CPAMD8: variants seen among roughly 807,000 people sequenced by gnomAD.
CPAMD8 encodes the protein C3 and PZP-like alpha-2-macroglobulin domain-containing protein 8.
CPAMD8 carries 146 observed loss-of-function variants against 224.7 expected under a neutral mutation model. The observed-to-expected ratio is 0.65, with a 90% CI of 0.57 to 0.75. The LOEUF is 0.75. Ranked by LOEUF, CPAMD8 falls within the 30% of genes least tolerant of loss-of-function variation. The pLI is 0.00. For synonymous variants in CPAMD8, 966 were observed against 1,044.6 expected (o/e 0.92, Z 1.45); for missense variants, 2,301 against 2,537.5 (o/e 0.91, Z 2.00).
intron 9 of CPAMD8, among the ~76,000 whole-genome samples, chr19:17,000,840 A>T (rs1206777869): frequency 1.3e-5 from 2 of 152,218 alleles, no homozygotes; most frequent in African/African-American, 4.8e-5. Context: ...TGAGCGACTG[A>T]GAGGCACCTG....
At chr19:17,013,174 T>C (rs1165661755) in intron 3 of CPAMD8, among the ~76,000 whole-genome samples, 1 of 148,136 alleles carries the variant, frequency 6.8e-6, no homozygotes, top group Non-Finnish European at 1.5e-5. Flanking sequence ...AGAGTGAAAC[T>C]CCATCTCCAA....
chr19:16,949,050 GA>G (rs1282197750), intron 20 of CPAMD8, among the ~76,000 whole-genome samples: 5 of 136,514 alleles, frequency 3.7e-5, no homozygotes, highest in East Asian at 2.5e-4. Flanking sequence ...GGAAGGACGG[GA>G]GGGGGGGAGG....
intron 15 of CPAMD8, among the ~76,000 whole-genome samples, chr19:16,976,391 G>A (rs1003820717): frequency 1.1e-4 from 16 of 152,018 alleles, no homozygotes; most frequent in South Asian, 4.1e-4. Flanking sequence ...CAGGAGAATC[G>A]CTTGAAGCCC....
At chr19:16,921,858 T>C in intron 27 of CPAMD8, 47 bp downstream of exon 27, 1 of 1,267,210 alleles carries the variant, frequency 7.9e-7, no homozygotes, top group Non-Finnish European at 1.1e-6. Flanking sequence ...GGCCATGGCG[T>C]CGGGCGGGGA....
intron 39 of CPAMD8, chr19:16,897,377 C>T (rs2052060931): frequency 2.5e-6 from 1 of 401,246 alleles, no homozygotes; most frequent in Non-Finnish European, 4.4e-6. Context: ...ACCCTCAACC[C>T]ATTGCGCCCA....
intron 17 of CPAMD8, 147 bp from the exon 18 acceptor site, chr19:16,971,180 G>A (rs942631842): frequency 4.4e-6 from 3 of 689,138 alleles, no homozygotes; most frequent in Non-Finnish European, 7.0e-6. Context: ...TTGCTTTTTT[G>A]GGTTTGTTTT....
chr19:16,896,075 CGGA>C, intron 41 of CPAMD8, 98 bp downstream of exon 41: 1 of 1,077,200 alleles, frequency 9.3e-7, no homozygotes, highest in Non-Finnish European at 1.2e-6. Context: ...CGGGGCGGGG[CGGA>C]GGAGTCGGGG....
chr19:16,914,773 T>C lies in CPAMD8; in HGVS notation c.3670A>G (p.Ser1224Gly), dbSNP rs1288411388. 7 of 1,613,756 alleles carry C rather than the reference T, an allele frequency of 4.3e-6. No individual in the cohort carries two copies. Among genetic ancestry groups the C allele is most frequent in the South Asian group, 1.1e-5 (1 of 91,046 alleles). ...TCCCGGGGGTCCACGAAGATAAAGCTGCGAGCCTGTGCGAAGGACTTCAGG... is the reference window on the plus strand; with the variant it reads ...TCCCGGGGGTCCACGAAGATAAAGCCGCGAGCCTGTGCGAAGGACTTCAGG... ...FVLKSFAQAR[S>G]FIFVDPRELA... Residue 1224 changes from serine (S) to glycine (G), a missense_variant, in exon 28 of 42, where the codon AGC becomes GGC. Ser to Gly is a moderately conservative substitution (Grantham distance 56, BLOSUM62 0). This residue lies in a region of CPAMD8 where 1,709 missense variants were observed against 1,753.2 expected (regional missense o/e 0.97). Transcript: ENST00000443236.
At chr19:17,015,778 C>A (rs973765071) in intron 3 of CPAMD8, among the ~76,000 whole-genome samples, 1 of 152,130 alleles carries the variant, frequency 6.6e-6, no homozygotes, top group Admixed American at 6.5e-5. Context: ...GAGGGAGATA[C>A]CGGAGGTGCT....
At chr19:16,935,440 G>A (rs2053656091) in intron 23 of CPAMD8, among the ~76,000 whole-genome samples, 1 of 151,778 alleles carries the variant, frequency 6.6e-6, no homozygotes, top group Admixed American at 6.6e-5. Flanking sequence ...CTAACCCCTG[G>A]CAACCACTAA....
At chr19:16,987,460 A>C (rs1008942277) in intron 13 of CPAMD8, among the ~76,000 whole-genome samples, 16 of 151,948 alleles carry the variant, frequency 1.1e-4, no homozygotes, top group Admixed American at 2.6e-4. Flanking sequence ...CACTTCACGA[A>C]CAGTCAAGAT....
Position 17,000,398 on chromosome 19 carries a change from G to T in CPAMD8, c.867+16C>A. On this transcript the variant is annotated intron_variant, in intron 10 of 41. Coordinates refer to ENST00000443236, the MANE Select transcript of CPAMD8 (RefSeq NM_015692.5). ...GGGGGTTGGGTCAGGGGGTAGAAGG[G>T]GTCCCTGTTTCTCACCTTGGTTGTT... 9.9e-6 allele frequency: 10 copies of T among 1,014,460 alleles called. No individual in the cohort carries two copies. The highest frequency in any genetic ancestry group is 1.6e-5 in the Non-Finnish European group (10 of 633,576). The allele number at this position is 1,014,460 out of a possible 1,614,324, so 62.8% of individuals were successfully genotyped here.
intron 8 of CPAMD8, among the ~76,000 whole-genome samples, chr19:17,003,045 G>GGT (rs2056382301): frequency 6.6e-6 from 1 of 151,964 alleles, no homozygotes; most frequent in African/African-American, 2.4e-5. Context: ...TGGGACTGCA[G>GGT]GCACATGCCA....
intron 23 of CPAMD8, among the ~76,000 whole-genome samples, chr19:16,931,545 G>T (rs76180993): frequency 0.017 from 2,643 of 152,276 alleles, 85 homozygotes; most frequent in African/African-American, 0.061. Flanking sequence ...CAAGCCCACT[G>T]CCCAGGGGCT....
At chr19:16,970,030 C>G (rs1391760156) in intron 18 of CPAMD8, among the ~76,000 whole-genome samples, 1 of 149,008 alleles carries the variant, frequency 6.7e-6, no homozygotes, top group African/African-American at 2.5e-5. Flanking sequence ...GTCAGGAGAT[C>G]GAGACCATCC....
At chr19:17,003,949 C>G (rs940070148) in intron 8 of CPAMD8, among the ~76,000 whole-genome samples, 2 of 151,664 alleles carry the variant, frequency 1.3e-5, no homozygotes, top group Non-Finnish European at 2.9e-5. Flanking sequence ...CCCTGTCGCC[C>G]AGGCTGGAGC....
chr19:16,959,979 G>A (rs1480261152), intron 18 of CPAMD8, among the ~76,000 whole-genome samples: 1 of 152,108 alleles, frequency 6.6e-6, no homozygotes, highest in Non-Finnish European at 1.5e-5. Flanking sequence ...AAACAGTCGT[G>A]CCTCCTCTCC....
At chr19:16,973,435 C>T (rs142418068) in intron 17 of CPAMD8, among the ~76,000 whole-genome samples, 1,652 of 152,114 alleles carry the variant, frequency 0.011, 24 homozygotes, top group African/African-American at 0.038. Flanking sequence ...CTGTAACCTC[C>T]GCCTCCCAGT....
chr19:16,930,694 C>G (rs764522966), intron 23 of CPAMD8, among the ~76,000 whole-genome samples: 1 of 152,140 alleles, frequency 6.6e-6, no homozygotes, highest in Non-Finnish European at 1.5e-5. Context: ...GGGCCACAGA[C>G]TAGCCTAGGG....
Sources: allele counts gnomAD v4.1 joint callset (sites outside exome capture counted in the v4.1 genomes callset), GRCh38; gene constraint gnomAD v4.1.1; regional missense constraint gnomAD v4.1.1; transcripts MANE v1.5; gene names NCBI Gene and HGNC (gene_info 2026-07-23, HGNC 2026-07-21).